The following GPC5 variants were observed in gnomAD, a reference collection of about 807,000 sequenced individuals.
The protein encoded by GPC5 is glypican-5.
A neutral mutation model predicts 53.9 loss-of-function variants in GPC5; 47 were observed. The observed-to-expected ratio is 0.87, with a 90% CI of 0.69 to 1.11. GPC5 has a LOEUF of 1.11. Ranked by LOEUF, GPC5 falls within the 50% of genes most tolerant of loss-of-function variation. The pLI, the probability that GPC5 is intolerant of heterozygous loss-of-function variation, is 0.00. For synonymous variants in GPC5, 286 were observed against 263.3 expected, an observed-to-expected ratio of 1.09 and a Z score of -0.84; for missense variants, 748 against 713.1, an observed-to-expected ratio of 1.05 and a Z score of -0.56.
chr13:91,548,140 G>T (rs1394580210), intron 2 of GPC5, among the ~76,000 whole-genome samples: 1 of 152,120 alleles, frequency 6.6e-6, no homozygotes, highest in East Asian at 1.9e-4. Context: ...TAAAAGGAAA[G>T]AAAAGACATA....
intron 7 of GPC5, among the ~76,000 whole-genome samples, chr13:92,343,249 T>C (rs2043382214): frequency 6.6e-6 from 1 of 152,164 alleles, no homozygotes; most frequent in South Asian, 2.1e-4. Flanking sequence ...GTTAGATCAA[T>C]ATGTCTGTGC....
chr13:91,688,090 A>G (rs2035660836), intron 2 of GPC5, among the ~76,000 whole-genome samples: 1 of 152,166 alleles, frequency 6.6e-6, no homozygotes, highest in African/African-American at 2.4e-5. Context: ...AGTAAAATGG[A>G]AACACTCAAC....
chr13:91,851,127 C>G (rs1045199908), intron 5 of GPC5, among the ~76,000 whole-genome samples: 3 of 152,048 alleles, frequency 2.0e-5, no homozygotes. Context: ...GAGCTGATAC[C>G]TGGCAAGTAA....
At chr13:92,172,629 C>T (rs1175508839) in intron 7 of GPC5, among the ~76,000 whole-genome samples, 3 of 152,076 alleles carry the variant, frequency 2.0e-5, no homozygotes, top group Non-Finnish European at 2.9e-5. Context: ...TCATCTACTG[C>T]TTCTTTCATT....
intron 2 of GPC5, among the ~76,000 whole-genome samples, chr13:91,469,491 T>C (rs2139173799): frequency 6.6e-6 from 1 of 152,158 alleles, no homozygotes; most frequent in Admixed American, 6.5e-5. Flanking sequence ...GGTCTTGAAC[T>C]CTTGAGCACC....
chr13:92,040,766 G>A (rs1057212720), intron 6 of GPC5, among the ~76,000 whole-genome samples: 1 of 152,176 alleles, frequency 6.6e-6, no homozygotes, highest in Non-Finnish European at 1.5e-5. Flanking sequence ...CTATTTCTGT[G>A]TTTAACATTT....
intron 6 of GPC5, among the ~76,000 whole-genome samples, chr13:92,057,298 C>A (rs1353613131): frequency 2.0e-5 from 2 of 101,472 alleles, no homozygotes. Context: ...AACAAAAAAA[C>A]AAAAAACAAA....
chr13:91,979,673 C>G (rs1281626345), intron 6 of GPC5, among the ~76,000 whole-genome samples: 1 of 152,186 alleles, frequency 6.6e-6, no homozygotes, highest in Non-Finnish European at 1.5e-5. Flanking sequence ...ATTCCTGCGG[C>G]TCCTCTGTGG....
At chr13:92,076,726 TA>T (rs2041255071) in intron 6 of GPC5, among the ~76,000 whole-genome samples, 1 of 152,162 alleles carries the variant, frequency 6.6e-6, no homozygotes, top group East Asian at 1.9e-4. Flanking sequence ...AAGAAGAAAG[TA>T]AAAAAAGTTT....
chr13:91,619,082 G>C (rs9523382), intron 2 of GPC5, among the ~76,000 whole-genome samples: 1 of 151,756 alleles, frequency 6.6e-6, no homozygotes, highest in African/African-American at 2.4e-5. Context: ...ATTAGAAAGA[G>C]GAGAGAATTA....
At chr13:92,049,644 T>C (rs187382677) in intron 6 of GPC5, among the ~76,000 whole-genome samples, 1 of 152,316 alleles carries the variant, frequency 6.6e-6, no homozygotes, top group East Asian at 1.9e-4. Context: ...AGACTATTAG[T>C]ATTATGCAAA....
chr13:91,760,486 T>C (rs1270207355), intron 5 of GPC5, among the ~76,000 whole-genome samples: 1 of 152,194 alleles, frequency 6.6e-6, no homozygotes, highest in Non-Finnish European at 1.5e-5. Context: ...TTGGGGATGA[T>C]AGAGTGTTTT....
intron 7 of GPC5, among the ~76,000 whole-genome samples, chr13:92,590,838 T>G (rs553652829): frequency 2.9e-4 from 44 of 152,316 alleles, no homozygotes; most frequent in African/African-American, 1.0e-3. Context: ...TTTTGAATAG[T>G]TCTCCCTATC....
chr13:91,915,268 TTGTC>T (rs1294059385), intron 6 of GPC5, among the ~76,000 whole-genome samples: 16 of 152,190 alleles, frequency 1.1e-4, no homozygotes, highest in Admixed American at 3.9e-4. Flanking sequence ...AGCAATTAGT[TTGTC>T]TGAGTAAATT....
chr13:92,395,535 A>C (rs1352898792), intron 7 of GPC5, among the ~76,000 whole-genome samples: 1 of 152,178 alleles, frequency 6.6e-6, no homozygotes, highest in Non-Finnish European at 1.5e-5. Context: ...ACATGTTGTC[A>C]AACCTTTATT....
intron 2 of GPC5, among the ~76,000 whole-genome samples, chr13:91,667,831 T>C (rs974557036): frequency 1.3e-5 from 2 of 152,072 alleles, no homozygotes; most frequent in Non-Finnish European, 2.9e-5. Flanking sequence ...ACAGAAGAAT[T>C]CATTGCCATG....
At chr13:92,503,402 T>A (rs1880258816) in intron 7 of GPC5, among the ~76,000 whole-genome samples, 1 of 151,696 alleles carries the variant, frequency 6.6e-6, no homozygotes, top group South Asian at 2.1e-4. Context: ...AAGCAGTGCT[T>A]AGCCAGAAAC....
At chr13:92,831,102 A>G (rs1878029648) in intron 7 of GPC5, among the ~76,000 whole-genome samples, 1 of 152,098 alleles carries the variant, frequency 6.6e-6, no homozygotes, top group South Asian at 2.1e-4. Flanking sequence ...TGTGTTAGCA[A>G]ATAACACTCG....
intron 6 of GPC5, among the ~76,000 whole-genome samples, chr13:92,025,431 T>C (rs1272046123): frequency 2.0e-5 from 3 of 152,204 alleles, no homozygotes; most frequent in Non-Finnish European, 2.9e-5. Context: ...ATTAGTTTTC[T>C]TCCCTTCACT....
Sources: gnomAD v4.1 joint callset for allele counts (sites outside exome capture counted in the v4.1 genomes callset) on GRCh38, gnomAD v4.1.1 for gene constraint, MANE v1.5 for transcripts, NCBI Gene and HGNC (gene_info 2026-07-23, HGNC 2026-07-21) for gene names.